Variants in CSGALNACT2 observed in about 807,000 individuals in gnomAD.
The protein encoded by CSGALNACT2 is beta 4 GalNAcT-2.
A neutral mutation model predicts 55.3 loss-of-function variants in CSGALNACT2; 35 were observed. That is an observed-to-expected ratio of 0.63 (90% CI 0.48 to 0.84). The LOEUF (loss-of-function observed/expected upper bound fraction) is 0.84, where lower values mean the gene tolerates loss of function less well. Among genes scored for constraint, CSGALNACT2 ranks in the 40% least tolerant of loss-of-function variants. The probability of loss-of-function intolerance (pLI) is 0.00; values close to 1 mark genes in which losing one functional copy is unlikely to be tolerated. For missense variants in CSGALNACT2, 544 were observed against 657.5 expected, an observed-to-expected ratio of 0.83 and a Z score of 1.89; for synonymous variants, 196 against 224.9, an observed-to-expected ratio of 0.87 and a Z score of 1.15.
chr10:43,141,862 A>C (rs1022328262), intron 1 of CSGALNACT2, among the ~76,000 whole-genome samples: 3 of 152,134 alleles, frequency 2.0e-5, no homozygotes, highest in Admixed American at 6.5e-5. Context: ...TGGCAAATAT[A>C]GATCAACCCT....
intron 1 of CSGALNACT2, among the ~76,000 whole-genome samples, chr10:43,145,137 G>GTA (rs1485578967): frequency 2.0e-5 from 3 of 152,126 alleles, no homozygotes; most frequent in African/African-American, 7.2e-5. Context: ...TATTGTTAAA[G>GTA]TATAAACTGA....
intron 1 of CSGALNACT2, among the ~76,000 whole-genome samples, chr10:43,147,278 C>T (rs1226272360): frequency 2.0e-5 from 3 of 152,104 alleles, no homozygotes; most frequent in Admixed American, 2.0e-4. Flanking sequence ...CCCGGCCGAG[C>T]ATCTTTTTCA....
At chr10:43,164,545 A>G (rs1057022125) in intron 5 of CSGALNACT2, among the ~76,000 whole-genome samples, 5 of 152,234 alleles carry the variant, frequency 3.3e-5, no homozygotes, top group African/African-American at 1.2e-4. Flanking sequence ...AGTTGTAGAT[A>G]TTTTTTGAAA....
chr10:43,160,466 A>G, intron 3 of CSGALNACT2, 28 bp from the exon 4 acceptor site: 1 of 1,192,844 alleles, frequency 8.4e-7, no homozygotes. Flanking sequence ...GTTTTCTTGA[A>G]TAAACTTTTA....
At chr10:43,147,015 G>A (rs371237808) in intron 1 of CSGALNACT2, among the ~76,000 whole-genome samples, 16 of 86,116 alleles carry the variant, frequency 1.9e-4, no homozygotes, top group East Asian at 1.5e-3. Context: ...TCGCTCTGTC[G>A]CCCAGGCTGG....
At chr10:43,167,348 G>A (rs1175230792) in intron 6 of CSGALNACT2, among the ~76,000 whole-genome samples, 2 of 149,506 alleles carry the variant, frequency 1.3e-5, no homozygotes, top group African/African-American at 5.1e-5. Flanking sequence ...AAAACCTCAT[G>A]TCCCAGAATG....
chr10:43,180,810 C>T (rs973654552), intron 7 of CSGALNACT2, among the ~76,000 whole-genome samples: 12 of 152,250 alleles, frequency 7.9e-5, no homozygotes, highest in African/African-American at 2.6e-4. Context: ...TCCTGTATCC[C>T]AGACTCTGAA....
intron 7 of CSGALNACT2, among the ~76,000 whole-genome samples, chr10:43,178,118 G>A (rs1839515460): frequency 1.3e-5 from 2 of 152,094 alleles, no homozygotes; most frequent in Admixed American, 6.5e-5. Flanking sequence ...AGTTTCTTGG[G>A]CTTCTTGAAT....
intron 4 of CSGALNACT2, chr10:43,162,855 G>T: frequency 1.0e-6 from 1 of 975,672 alleles, no homozygotes; most frequent in Non-Finnish European, 1.2e-6. Flanking sequence ...CTGTGGGTTT[G>T]GGGGCCTCAC....
rs1838970450 is a variant in CSGALNACT2, at chr10:43,155,303, T to C, written c.154T>C (p.Tyr52His). ...TCTTCCTGGTGTTGTTGGGGAAAATTATGGTAAAGAGTATTATCAAGCCCT... is the reference window on the plus strand; with the variant it reads ...TCTTCCTGGTGTTGTTGGGGAAAATCATGGTAAAGAGTATTATCAAGCCCT... ...ASLPGVVGEN[Y>H]GKEYYQALLQ... is the part of the protein sequence containing the mutation. The change falls in exon 2 of 8, where the codon TAT becomes CAT. Residue 52 changes from tyrosine (Y) to histidine (H), a missense_variant. Transcript: ENST00000374466. The C allele has an allele frequency of 1.2e-6, 2 of 1,614,004 alleles. No individual in the cohort carries two copies. Among genetic ancestry groups the C allele is most frequent in the Non-Finnish European group, 1.7e-6 (2 of 1,180,010 alleles).
intron 5 of CSGALNACT2, among the ~76,000 whole-genome samples, chr10:43,166,544 T>C (rs1424008313): frequency 1.3e-5 from 2 of 152,262 alleles, no homozygotes; most frequent in Non-Finnish European, 2.9e-5. Flanking sequence ...AGATTTATTC[T>C]ATATTTTCAT....
intron 1 of CSGALNACT2, among the ~76,000 whole-genome samples, chr10:43,143,372 T>A (rs546427361): frequency 1.3e-5 from 2 of 152,336 alleles, no homozygotes; most frequent in South Asian, 4.1e-4. Flanking sequence ...CTGATAAACA[T>A]CCTATGTATG....
chr10:43,140,591 GT>G (rs1564506810), intron 1 of CSGALNACT2, among the ~76,000 whole-genome samples: 2 of 152,192 alleles, frequency 1.3e-5, no homozygotes, highest in African/African-American at 4.8e-5. Context: ...TGACTCTGAA[GT>G]TTAGCATAAC....
At chr10:43,152,265 A>ATG (rs1838892369) in intron 1 of CSGALNACT2, among the ~76,000 whole-genome samples, 1 of 152,194 alleles carries the variant, frequency 6.6e-6, no homozygotes, top group African/African-American at 2.4e-5. Flanking sequence ...AAGATGTAAC[A>ATG]ACAGAAAAAT....
intron 4 of CSGALNACT2, chr10:43,163,267 T>C (rs1375191416): frequency 6.3e-6 from 6 of 948,942 alleles, no homozygotes; most frequent in African/African-American, 1.8e-5. Context: ...AGCAAATATT[T>C]ATTGAACTCC....
chr10:43,149,977 G>A (rs1417771131), intron 1 of CSGALNACT2, among the ~76,000 whole-genome samples: 2 of 152,168 alleles, frequency 1.3e-5, no homozygotes, highest in African/African-American at 4.8e-5. Flanking sequence ...TGAGGCAGGA[G>A]AATCCCTTGA....
chr10:43,146,953 T>C (rs1838762836), intron 1 of CSGALNACT2, among the ~76,000 whole-genome samples: 1 of 148,240 alleles, frequency 6.7e-6, no homozygotes, highest in Non-Finnish European at 1.5e-5. Flanking sequence ...TGACTAACAA[T>C]GTTGAGCATC....
intron 4 of CSGALNACT2, 83 bp downstream of exon 4, chr10:43,160,678 T>G: frequency 2.8e-6 from 2 of 712,380 alleles, no homozygotes; most frequent in South Asian, 3.2e-5. Context: ...AGTTAATAAT[T>G]TTTAGTAACT....
chr10:43,139,749 A>G (rs1838577124), intron 1 of CSGALNACT2, among the ~76,000 whole-genome samples: 2 of 152,222 alleles, frequency 1.3e-5, no homozygotes, highest in African/African-American at 4.8e-5. Flanking sequence ...GGAATCACGT[A>G]GTATTCTCAG....
Sources: allele counts gnomAD v4.1 joint callset (sites outside exome capture counted in the v4.1 genomes callset), GRCh38; gene constraint gnomAD v4.1.1; transcripts MANE v1.5; gene names NCBI Gene and HGNC (gene_info 2026-07-23, HGNC 2026-07-21).